GPC5: variants seen among roughly 807,000 people sequenced by gnomAD.
GPC5 encodes the protein glypican 5.
GPC5 carries 47 observed loss-of-function variants against 53.9 expected under a neutral mutation model. The ratio of observed to expected loss-of-function variants is 0.87; its 90% CI spans 0.69 to 1.11. The LOEUF is 1.11. Among genes scored for constraint, GPC5 ranks in the 50% most tolerant of loss-of-function variants. The pLI, the probability that GPC5 is intolerant of heterozygous loss-of-function variation, is 0.00. For synonymous variants in GPC5, 286 were observed against 263.3 expected, an observed-to-expected ratio of 1.09 and a Z score of -0.84; for missense variants, 748 against 713.1, an observed-to-expected ratio of 1.05 and a Z score of -0.56.
At chr13:92,071,829 T>G (rs2041213739) in intron 6 of GPC5, among the ~76,000 whole-genome samples, 1 of 147,912 alleles carries the variant, frequency 6.8e-6, no homozygotes, top group Non-Finnish European at 1.5e-5. Flanking sequence ...AAATAATATA[T>G]TTTATTCATA....
At chr13:92,246,634 G>A (rs12875742) in intron 7 of GPC5, among the ~76,000 whole-genome samples, 40,733 of 151,952 alleles carry the variant, frequency 0.27, 5,900 homozygotes, top group Non-Finnish European at 0.33. Flanking sequence ...AGGTTGCAGG[G>A]GTCAGCCCTT....
intron 2 of GPC5, among the ~76,000 whole-genome samples, chr13:91,529,631 C>T (rs1886245295): frequency 6.6e-6 from 1 of 152,130 alleles, no homozygotes; most frequent in Non-Finnish European, 1.5e-5. Context: ...ATAATAGCAG[C>T]ATTGTTAGCG....
intron 2 of GPC5, among the ~76,000 whole-genome samples, chr13:91,568,906 A>T (rs1483339592): frequency 6.6e-6 from 1 of 151,766 alleles, no homozygotes; most frequent in Non-Finnish European, 1.5e-5. Flanking sequence ...CTGCCATCAC[A>T]CCCAACTAAT....
intron 7 of GPC5, among the ~76,000 whole-genome samples, chr13:92,568,152 T>C (rs1594311110): frequency 6.6e-6 from 1 of 152,080 alleles, no homozygotes; most frequent in East Asian, 1.9e-4. Context: ...TGAGACTCCA[T>C]CTCTAAAAAA....
At chr13:91,641,094 G>T (rs1304871300) in intron 2 of GPC5, among the ~76,000 whole-genome samples, 1 of 152,150 alleles carries the variant, frequency 6.6e-6, no homozygotes, top group Non-Finnish European at 1.5e-5. Context: ...TTGGGAGGCC[G>T]AGGTGGACAG....
chr13:91,825,851 C>G (rs531380882), intron 5 of GPC5, among the ~76,000 whole-genome samples: 2 of 152,120 alleles, frequency 1.3e-5, no homozygotes, highest in South Asian at 2.1e-4. Flanking sequence ...GGGAAGAAGC[C>G]TCAACTCTGC....
chr13:92,299,848 T>C (rs2043063241), intron 7 of GPC5, among the ~76,000 whole-genome samples: 1 of 152,214 alleles, frequency 6.6e-6, no homozygotes, highest in South Asian at 2.1e-4. Context: ...AGTAAAAGCT[T>C]CTACGTTGTT....
intron 7 of GPC5, among the ~76,000 whole-genome samples, chr13:92,289,510 G>C (rs547821122): frequency 9.2e-5 from 14 of 151,792 alleles, no homozygotes; most frequent in African/African-American, 3.1e-4. Flanking sequence ...ATACATTAAG[G>C]CCACATGAAT....
At chr13:92,420,718 C>A (rs1015297139) in intron 7 of GPC5, among the ~76,000 whole-genome samples, 2 of 152,118 alleles carry the variant, frequency 1.3e-5, no homozygotes, top group Non-Finnish European at 2.9e-5. Flanking sequence ...ATTTTTAGAT[C>A]CCACAAATAA....
At chr13:92,013,634 G>A (rs1003229927) in intron 6 of GPC5, among the ~76,000 whole-genome samples, 8 of 152,114 alleles carry the variant, frequency 5.3e-5, no homozygotes, top group African/African-American at 1.9e-4. Flanking sequence ...TTAAAGGTGG[G>A]TTTCACCAGG....
intron 2 of GPC5, among the ~76,000 whole-genome samples, chr13:91,560,200 T>C (rs564587723): frequency 1.3e-5 from 2 of 152,156 alleles, no homozygotes; most frequent in African/African-American, 2.4e-5. Context: ...GGAATAGAGA[T>C]ATGGGAGTGG....
intron 2 of GPC5, among the ~76,000 whole-genome samples, chr13:91,597,560 C>T (rs183123506): frequency 5.9e-4 from 90 of 152,180 alleles, no homozygotes; most frequent in Admixed American, 5.9e-3. Context: ...TTACTGCCTG[C>T]GCCAACACCT....
chr13:92,798,961 CAAGA>C (rs1293865773), intron 7 of GPC5, among the ~76,000 whole-genome samples: 2 of 151,730 alleles, frequency 1.3e-5, no homozygotes, highest in African/African-American at 2.4e-5. Context: ...TCTTTGTCTC[CAAGA>C]AAGAGTGCAT....
intron 7 of GPC5, among the ~76,000 whole-genome samples, chr13:92,445,400 G>A (rs1459232543): frequency 6.6e-6 from 1 of 150,528 alleles, no homozygotes; most frequent in Non-Finnish European, 1.5e-5. Flanking sequence ...GTGCCATGCT[G>A]GTGTGCTGCA....
At chr13:92,513,491 G>A (rs898337669) in intron 7 of GPC5, among the ~76,000 whole-genome samples, 7 of 147,134 alleles carry the variant, frequency 4.8e-5, no homozygotes, top group Non-Finnish European at 1.0e-4. Flanking sequence ...TTTAATTAAG[G>A]CATATAAGAC....
At chr13:92,740,920 G>A (rs1594469555) in intron 7 of GPC5, among the ~76,000 whole-genome samples, 1 of 131,906 alleles carries the variant, frequency 7.6e-6, no homozygotes, top group South Asian at 2.5e-4. Context: ...ATATATATAT[G>A]TGCATATGTA....
intron 7 of GPC5, among the ~76,000 whole-genome samples, chr13:92,495,522 T>C (rs1879939442): frequency 6.6e-6 from 1 of 152,168 alleles, no homozygotes; most frequent in Non-Finnish European, 1.5e-5. Flanking sequence ...CGAACCACTT[T>C]AATTTGATTC....
intron 6 of GPC5, among the ~76,000 whole-genome samples, chr13:92,131,900 T>A (rs940219990): frequency 6.8e-6 from 1 of 147,276 alleles, no homozygotes; most frequent in Non-Finnish European, 1.5e-5. Context: ...TGCCTATCTA[T>A]GACCCACCAT....
intron 7 of GPC5, among the ~76,000 whole-genome samples, chr13:92,207,051 C>G (rs900606716): frequency 2.0e-5 from 3 of 152,178 alleles, no homozygotes; most frequent in African/African-American, 7.2e-5. Context: ...TTTTAACCTT[C>G]AGCTGTTACT....
Sources: allele counts gnomAD v4.1 joint callset (sites outside exome capture counted in the v4.1 genomes callset), GRCh38; gene constraint gnomAD v4.1.1; transcripts MANE v1.5; gene names NCBI Gene and HGNC (gene_info 2026-07-23, HGNC 2026-07-21).